ATP10B: variants seen among roughly 807,000 people sequenced by gnomAD.
The protein encoded by ATP10B is phospholipid-transporting ATPase VB.
ATP10B carries 122 observed loss-of-function variants against 141.2 expected under a neutral mutation model. That is an observed-to-expected ratio of 0.86 (90% CI 0.75 to 1.00). ATP10B has a LOEUF of 1.00. Ranked by LOEUF, ATP10B falls within the 50% of genes least tolerant of loss-of-function variation. The pLI is 0.00. For synonymous variants in ATP10B, 685 were observed against 692.0 expected, an observed-to-expected ratio of 0.99 and a Z score of 0.16; for missense variants, 1,876 against 1,825.3, an observed-to-expected ratio of 1.03 and a Z score of -0.51.
At chr5:160,763,188 T>C (rs1456461107) in intron 2 of ATP10B, among the ~76,000 whole-genome samples, 2 of 152,100 alleles carry the variant, frequency 1.3e-5, no homozygotes, top group Admixed American at 6.6e-5. Flanking sequence ...ATGATGGATT[T>C]AAACTATACC....
chr5:160,567,144 C>T (rs1398582275), intron 25 of ATP10B, among the ~76,000 whole-genome samples: 1 of 152,154 alleles, frequency 6.6e-6, no homozygotes, highest in East Asian at 1.9e-4. Flanking sequence ...CTGCCTTCCT[C>T]CTCTATTCAT....
At chr5:160,843,010 C>A (rs1402979018) in intron 1 of ATP10B, among the ~76,000 whole-genome samples, 2 of 151,970 alleles carry the variant, frequency 1.3e-5, no homozygotes, top group Non-Finnish European at 2.9e-5. Flanking sequence ...AAGAAAAATC[C>A]AAAAGTATAT....
intron 2 of ATP10B, among the ~76,000 whole-genome samples, chr5:160,718,618 C>T (rs888702090): frequency 1.3e-5 from 2 of 152,168 alleles, no homozygotes; most frequent in Non-Finnish European, 2.9e-5. Context: ...AGGGTACACA[C>T]ACAAAGAGAC....
At chr5:160,618,355 T>C in intron 15 of ATP10B, among the ~76,000 whole-genome samples, 1 of 152,250 alleles carries the variant, frequency 6.6e-6, no homozygotes, top group Non-Finnish European at 1.5e-5. Flanking sequence ...TGAATCTTTA[T>C]TGTTACCTAA....
intron 1 of ATP10B, among the ~76,000 whole-genome samples, chr5:160,806,007 C>A (rs1379976742): frequency 6.6e-6 from 1 of 152,094 alleles, no homozygotes; most frequent in Non-Finnish European, 1.5e-5. Flanking sequence ...GGCAGGAGAC[C>A]CATGGCCTAG....
chr5:160,833,809 A>T (rs1390113604), intron 1 of ATP10B, among the ~76,000 whole-genome samples: 1 of 152,190 alleles, frequency 6.6e-6, no homozygotes, highest in East Asian at 1.9e-4. Flanking sequence ...CAGTGAGAAG[A>T]CGCGTTTTAA....
the ATP10B span, among the ~76,000 whole-genome samples, chr5:160,860,907 AATGGCCATCCACTTTGGACAGGGCAC>A: frequency 6.6e-6 from 1 of 151,976 alleles, no homozygotes; most frequent in Non-Finnish European, 1.5e-5. Context: ...ATTGCTGAAT[AATGGCCATCCACTTTGGACAGGGCAC>A]AAGTATCCCC....
intron 1 of ATP10B, among the ~76,000 whole-genome samples, chr5:160,802,259 G>A (rs1299163050): frequency 6.6e-6 from 1 of 152,158 alleles, no homozygotes; most frequent in African/African-American, 2.4e-5. Context: ...TCAACGGGAT[G>A]GGCTAAGGGC....
upstream of ATP10B, among the ~76,000 whole-genome samples, chr5:160,857,104 A>G (rs1267020901): frequency 1.3e-5 from 2 of 151,806 alleles, no homozygotes; most frequent in Admixed American, 1.3e-4. Context: ...ATTCTACTTT[A>G]TCTTCTGGAA....
chr5:160,834,831 A>G (rs1775319164), intron 1 of ATP10B, among the ~76,000 whole-genome samples: 1 of 152,076 alleles, frequency 6.6e-6, no homozygotes, highest in Non-Finnish European at 1.5e-5. Flanking sequence ...AGGACTGAGG[A>G]TCTGTAAGAC....
chr5:160,835,283 G>A (rs944016368), intron 1 of ATP10B, among the ~76,000 whole-genome samples: 4 of 152,162 alleles, frequency 2.6e-5, no homozygotes, highest in Admixed American at 2.6e-4. Context: ...CTCAGAAATG[G>A]ACTGTGCTTG....
intron 14 of ATP10B, 143 bp from the exon 15 acceptor site, chr5:160,621,093 T>A: frequency 9.8e-7 from 1 of 1,024,838 alleles, no homozygotes; most frequent in Non-Finnish European, 1.4e-6. Context: ...GCATTGACAA[T>A]GGTCATTTTC....
chr5:160,749,969 C>T (rs538805685), intron 2 of ATP10B, among the ~76,000 whole-genome samples: 8 of 152,208 alleles, frequency 5.3e-5, no homozygotes, highest in African/African-American at 1.4e-4. Flanking sequence ...GTTCCTGGTG[C>T]GATTACCAAC....
rs752330644 is a variant in ATP10B, at chr5:160,606,775, G to A, written c.3150C>T (p.Thr1050=). Residue 1050 remains threonine (T), a synonymous_variant, in exon 19 of 26, where the codon ACC becomes ACT. Coordinates refer to ENST00000327245, the MANE Select transcript of ATP10B (RefSeq NM_025153.3). The part of the protein sequence containing the change: ...KLVRDKLRVM[T]LSIGDGANDV... ...CAGTATGATGGGTACCTATGGAAAG[G>A]GTCATGACGCGCAACTTGTCTCGCA... is the stretch of plus-strand genomic sequence containing the variant. The A allele has an allele frequency of 6.2e-7, 1 of 1,613,238 alleles. No homozygotes were observed. The highest frequency in any genetic ancestry group is 8.5e-7 in the Non-Finnish European group (1 of 1,179,334).
chr5:160,878,264 G>C, the ATP10B span, among the ~76,000 whole-genome samples: 8 of 151,354 alleles, frequency 5.3e-5, no homozygotes, highest in South Asian at 8.5e-4. Flanking sequence ...ACAAACCTGA[G>C]AAAAACAAGC....
intron 14 of ATP10B, 65 bp downstream of exon 14, chr5:160,622,329 C>T (rs1758390683): frequency 1.3e-6 from 2 of 1,490,984 alleles, no homozygotes; most frequent in Non-Finnish European, 1.8e-6. Context: ...CTCCCCTCGC[C>T]CCTACCCTGC....
At chr5:160,661,146 A>C (rs552529944) in intron 7 of ATP10B, among the ~76,000 whole-genome samples, 9 of 152,152 alleles carry the variant, frequency 5.9e-5, no homozygotes, top group African/African-American at 2.2e-4. Context: ...AGATCGCGCC[A>C]TTGCACTCCA....
intron 15 of ATP10B, 150 bp from the exon 16 acceptor site, chr5:160,618,123 T>G (rs1288281427): frequency 1.5e-6 from 1 of 664,320 alleles, no homozygotes; most frequent in Non-Finnish European, 2.7e-6. Context: ...GGAGCTCTCC[T>G]GGCTGTCAGG....
At chr5:160,827,649 C>T (rs541223861) in intron 1 of ATP10B, among the ~76,000 whole-genome samples, 26 of 152,194 alleles carry the variant, frequency 1.7e-4, no homozygotes, top group African/African-American at 6.0e-4. Context: ...AATTCTTTGC[C>T]AAAGCCAATG....
Sources: allele counts gnomAD v4.1 joint callset (sites outside exome capture counted in the v4.1 genomes callset), GRCh38; gene constraint gnomAD v4.1.1; transcripts MANE v1.5; gene names NCBI Gene and HGNC (gene_info 2026-07-23, HGNC 2026-07-21).